CDH23: variants seen among roughly 807,000 people sequenced by gnomAD.
The protein encoded by CDH23 is cadherin related 23, also known as cadherin-23.
A neutral mutation model predicts 317.1 loss-of-function variants in CDH23; 189 were observed. That is an observed-to-expected ratio of 0.60 (90% confidence interval 0.53 to 0.67). CDH23 has a LOEUF of 0.67. Among genes scored for constraint, CDH23 ranks in the 30% least tolerant of loss-of-function variants. The pLI is 0.00. For missense variants in CDH23, 4,401 were observed against 4,592.4 expected, an observed-to-expected ratio of 0.96 and a Z score of 1.20; for synonymous variants, 1,839 against 1,876.8, an observed-to-expected ratio of 0.98 and a Z score of 0.52.
rs755273235 is a variant in CDH23 at position 71,809,965 on chromosome 10, C to T, written c.8868C>T (p.Arg2956=). ...IGIYILRDDQ[R]VKIVINEIPD... ...TCTACATCCTGAGGGACGACCAGCG[C>T]GTCAAGATCGTCATTAACGAGATCC... Residue 2956 remains arginine, a synonymous_variant, in exon 61 of 70, where the codon CGC becomes CGT. Transcript: ENST00000224721. 4.3e-6 allele frequency: 7 copies of T among 1,612,094 alleles called. No individual in the cohort carries two copies. The highest frequency in any genetic ancestry group is 2.7e-5 in the African/African-American group (2 of 74,936).
intron 3 of CDH23, among the ~76,000 whole-genome samples, chr10:71,484,329 G>A (rs922993460): frequency 2.6e-5 from 4 of 152,190 alleles, no homozygotes; most frequent in African/African-American, 7.2e-5. Context: ...GCCAAGTACC[G>A]TCCTCTCTCT....
rs573878850 is a variant in CDH23, at chr10:71,404,016, C to T, written c.-6+6698C>T. On this transcript the variant is annotated intron_variant, in intron 1 of 69. Transcript: ENST00000224721. ...CTGAGGCAGGAGAATCTCTTCAACC[C>T]GGGAGGCAGAGGTTGCCATGAGCCG... 2.0e-3 allele frequency among the ~76,000 whole-genome samples: 307 copies of T among 152,244 alleles called. 7 individuals carry two copies. In the South Asian group the frequency reaches 0.023, roughly 11 times the overall value.
At chr10:71,515,386 TCTCTCTCTCA>T (rs781086585) in intron 6 of CDH23, among the ~76,000 whole-genome samples, 9,669 of 131,568 alleles carry the variant, frequency 0.073, 404 homozygotes, top group African/African-American at 0.16. Context: ...TCTCTCTCTC[TCTCTCTCTCA>T]CACACACACA....
At position 71,807,402 on chromosome 10, in the gene CDH23, C is replaced by T. The variant is rs760929762; in HGVS notation, c.8304C>T (p.Ile2768=). ...CCAACGCGATCGTGTACTACTTCAT[C>T]GCAGGTGGGGCCAGACAGAGCTAGT... ...EGPNAIVYYF[I]AAGNEEKNFH... Residue 2768 remains isoleucine, a synonymous_variant, in exon 58 of 70, where the codon ATC becomes ATT. Transcript: ENST00000224721. The T allele has an allele frequency of 1.9e-5, 30 of 1,613,754 alleles. No homozygotes were observed. In the East Asian group the frequency reaches 3.8e-4, roughly 20 times the overall value.
intron 40 of CDH23, 99 bp from the exon 41 acceptor site, chr10:71,779,168 G>A (rs534234525): frequency 8.7e-7 from 1 of 1,151,948 alleles, no homozygotes; most frequent in East Asian, 2.4e-5. Context: ...TGGGCCTCAT[G>A]AGGCAGAATT....
chr10:71,727,772 A>T (rs1375491000), intron 30 of CDH23, among the ~76,000 whole-genome samples: 1 of 152,188 alleles, frequency 6.6e-6, no homozygotes, highest in Non-Finnish European at 1.5e-5. Flanking sequence ...CTGCACTGGC[A>T]CAGCACTGGA....
chr10:71,578,265 G>A (rs1184942201), intron 9 of CDH23, among the ~76,000 whole-genome samples: 5 of 152,160 alleles, frequency 3.3e-5, no homozygotes, highest in Admixed American at 6.5e-5. Flanking sequence ...CGCGTGTGCC[G>A]CTGTCCAAGG....
intron 9 of CDH23, among the ~76,000 whole-genome samples, chr10:71,581,853 C>T (rs1055824286): frequency 3.9e-5 from 6 of 152,244 alleles, no homozygotes; most frequent in Admixed American, 3.3e-4. Context: ...CTCATCCTTC[C>T]TCTGCCAGAC....
At chr10:71,592,598 A>G (rs1287028280) in intron 9 of CDH23, among the ~76,000 whole-genome samples, 2 of 151,958 alleles carry the variant, frequency 1.3e-5, no homozygotes, top group African/African-American at 2.4e-5. Flanking sequence ...TCCTGTAGTC[A>G]AATTTCCCCC....
intron 6 of CDH23, among the ~76,000 whole-genome samples, chr10:71,555,831 T>C (rs1319298820): frequency 1.3e-5 from 2 of 152,148 alleles, no homozygotes; most frequent in East Asian, 3.9e-4. Flanking sequence ...GCCCCAGATG[T>C]CCCTCTGATG....
chr10:71,803,696 G>A (rs1194391156), intron 55 of CDH23, among the ~76,000 whole-genome samples: 1 of 151,886 alleles, frequency 6.6e-6, no homozygotes, highest in East Asian at 1.9e-4. Context: ...TTGGCCAGGT[G>A]CAGTGGCTCA....
chr10:71,792,598 G>A (rs891972976), intron 47 of CDH23, among the ~76,000 whole-genome samples: 1 of 151,164 alleles, frequency 6.6e-6, no homozygotes, highest in African/African-American at 2.4e-5. Context: ...GCTGAGGCAG[G>A]TGGATCACTT....
chr10:71,702,240 C>T (rs1282768606), intron 23 of CDH23, 29 bp downstream of exon 23: 3 of 1,605,252 alleles, frequency 1.9e-6, no homozygotes, highest in African/African-American at 1.3e-5. Context: ...CCTCACGGCC[C>T]CCACACCTTA....
intron 6 of CDH23, among the ~76,000 whole-genome samples, chr10:71,536,437 T>G (rs959332010): frequency 6.6e-6 from 1 of 152,186 alleles, no homozygotes; most frequent in Non-Finnish European, 1.5e-5. Flanking sequence ...CTGTGAGGGC[T>G]TTGAAAGGCA....
chr10:71,675,076 C>T lies in CDH23; in HGVS notation c.1450-36C>T, dbSNP rs1864302743. ...CTGTGGACCTGAAGCCTCAGCTGGGCCTGGCAGTAATGACTTCTTGTTCTC... is the reference window on the plus strand; with the variant it reads ...CTGTGGACCTGAAGCCTCAGCTGGGTCTGGCAGTAATGACTTCTTGTTCTC... On this transcript the variant is annotated intron_variant, in intron 14 of 69. Coordinates refer to ENST00000224721, the MANE Select transcript of CDH23 (RefSeq NM_022124.6). 2.5e-6 allele frequency: 4 copies of T among 1,598,470 alleles called. No homozygotes were observed. In the East Asian group the frequency reaches 8.9e-5, roughly 36 times the overall value.
intron 3 of CDH23, among the ~76,000 whole-genome samples, chr10:71,457,543 C>G (rs1422662275): frequency 6.6e-6 from 1 of 152,184 alleles, no homozygotes; most frequent in Non-Finnish European, 1.5e-5. Flanking sequence ...GAAAGAGCCT[C>G]AGTGGCCAAG....
chr10:71,575,922 T>C (rs1055767653), intron 8 of CDH23, among the ~76,000 whole-genome samples: 2 of 152,236 alleles, frequency 1.3e-5, no homozygotes, highest in African/African-American at 4.8e-5. Context: ...TAAAAGTGGA[T>C]TTATTTACCC....
chr10:71,452,953 G>T (rs1405220948), intron 3 of CDH23, among the ~76,000 whole-genome samples: 1 of 152,190 alleles, frequency 6.6e-6, no homozygotes, highest in Non-Finnish European at 1.5e-5. Context: ...TGGCACAAAG[G>T]CGGCCTCAGC....
chr10:71,584,111 A>G (rs1858862007), intron 9 of CDH23, among the ~76,000 whole-genome samples: 1 of 152,154 alleles, frequency 6.6e-6, no homozygotes, highest in Admixed American at 6.5e-5. Context: ...GGTCTAAAGG[A>G]GCGTGTGTTC....
Sources: gnomAD v4.1 joint callset for allele counts (sites outside exome capture counted in the v4.1 genomes callset) on GRCh38, gnomAD v4.1.1 for gene constraint, MANE v1.5 for transcripts, NCBI Gene and HGNC (gene_info 2026-07-23, HGNC 2026-07-21) for gene names.